Variants in ADGRL3 observed in about 807,000 individuals in gnomAD.
The protein encoded by ADGRL3 is calcium-independent alpha-latrotoxin receptor 3.
ADGRL3 carries 62 observed loss-of-function variants against 153.5 expected under a neutral mutation model. The observed-to-expected ratio is 0.40, with a 90% confidence interval of 0.33 to 0.50. The LOEUF (loss-of-function observed/expected upper bound fraction) is 0.50, where lower values mean the gene tolerates loss of function less well. Ranked by LOEUF, ADGRL3 falls within the 20% of genes least tolerant of loss-of-function variation. ADGRL3 has a pLI of 0.47. For synonymous variants in ADGRL3, 710 were observed against 672.5 expected (o/e 1.06, Z -0.86); for missense variants, 1,641 against 1,859.4 (o/e 0.88, Z 2.16).
intron 2 of ADGRL3, among the ~76,000 whole-genome samples, chr4:61,390,367 A>G (rs947815548): frequency 2.6e-5 from 4 of 152,150 alleles, no homozygotes; most frequent in African/African-American, 9.7e-5. Context: ...AAATATTATG[A>G]TGGTCCAAAA....
At chr4:61,960,576 A>G (rs919260752) in intron 17 of ADGRL3, among the ~76,000 whole-genome samples, 1 of 152,196 alleles carries the variant, frequency 6.6e-6, no homozygotes, top group Non-Finnish European at 1.5e-5. Context: ...TAAATACATA[A>G]CATATTTAAT....
At chr4:61,842,113 C>G (rs2098041872) in intron 9 of ADGRL3, among the ~76,000 whole-genome samples, 1 of 151,968 alleles carries the variant, frequency 6.6e-6, no homozygotes, top group Non-Finnish European at 1.5e-5. Flanking sequence ...TAAAAAGGCA[C>G]TAGTGAATAA....
intron 8 of ADGRL3, among the ~76,000 whole-genome samples, chr4:61,769,491 G>T (rs899956046): frequency 8.8e-5 from 3 of 34,214 alleles, no homozygotes; most frequent in African/African-American, 4.0e-4. Flanking sequence ...CAGGAGGACA[G>T]GGGATTGATC....
chr4:61,219,342 A>T (rs1006245792), intron 1 of ADGRL3, among the ~76,000 whole-genome samples: 4 of 152,208 alleles, frequency 2.6e-5, no homozygotes, highest in Non-Finnish European at 5.9e-5. Context: ...TTTACCTGAA[A>T]GTTAAAAGCC....
intron 8 of ADGRL3, among the ~76,000 whole-genome samples, chr4:61,799,952 G>C (rs1279878726): frequency 6.6e-6 from 1 of 152,176 alleles, no homozygotes; most frequent in Non-Finnish European, 1.5e-5. Flanking sequence ...GAAGCTGAGA[G>C]ATCAATATAT....
In ADGRL3 at chr4:61,742,575, C is replaced by T. The variant is rs564393980; in HGVS notation, c.1399+9021C>T. On this transcript the variant is annotated intron_variant, in intron 8 of 26. Transcript: ENST00000683033. Reference sequence around the variant, plus strand: ...GATTACAGGCGTGAGACACCGCACCCGGCCTGTTTTTAGCATTTTTAAGTA... The same window carrying T: ...GATTACAGGCGTGAGACACCGCACCTGGCCTGTTTTTAGCATTTTTAAGTA... Among the ~76,000 whole-genome samples, 140 of 152,202 alleles carry T rather than the reference C, an allele frequency of 9.2e-4. 1 individual carries two copies. Among genetic ancestry groups the T allele is most frequent in the Non-Finnish European group, 1.7e-3 (117 of 68,018 alleles).
chr4:61,624,267 A>G (rs2092702073), intron 5 of ADGRL3, among the ~76,000 whole-genome samples: 1 of 152,184 alleles, frequency 6.6e-6, no homozygotes. Context: ...GCCAGAGTAG[A>G]TATTCAAACT....
intron 1 of ADGRL3, among the ~76,000 whole-genome samples, chr4:61,317,111 A>C (rs2150668138): frequency 6.6e-6 from 1 of 152,330 alleles, no homozygotes; most frequent in Middle Eastern, 3.4e-3. Flanking sequence ...TTATGGAAAT[A>C]AAAGCACTGT....
At chr4:61,587,913 A>G (rs77483810) in intron 5 of ADGRL3, among the ~76,000 whole-genome samples, 3,426 of 152,128 alleles carry the variant, frequency 0.023, 143 homozygotes, top group East Asian at 0.21. Flanking sequence ...TTGGCCTTGG[A>G]AAATAATTTT....
chr4:61,260,478 G>T (rs114469732), intron 1 of ADGRL3, among the ~76,000 whole-genome samples: 2,887 of 152,092 alleles, frequency 0.019, 42 homozygotes, highest in Middle Eastern at 0.031. Context: ...TAGACAATGC[G>T]GTATTGTATG....
chr4:61,709,986 A>ATAT lies in ADGRL3; in HGVS notation c.584-20626_584-20624dup, dbSNP rs1387437866. Among the ~76,000 whole-genome samples, 5 of 152,146 alleles carry ATAT rather than the reference A, an allele frequency of 3.3e-5. No homozygotes were observed. In the East Asian group the frequency reaches 5.8e-4, roughly 18 times the overall value. On this transcript the variant is annotated intron_variant, in intron 6 of 26. Coordinates refer to ENST00000683033, the MANE Select transcript of ADGRL3 (RefSeq NM_001387552.1). ...CTTAGAAAAGTATTCAAGGAAGCATATATTATTATTATAGTCATGCTGATT... is the reference window on the plus strand; with the variant it reads ...CTTAGAAAAGTATTCAAGGAAGCATATATTATTATTATTATAGTCATGCTGATT...
chr4:61,808,425 A>T (rs1247125394), intron 8 of ADGRL3, among the ~76,000 whole-genome samples: 1 of 152,182 alleles, frequency 6.6e-6, no homozygotes, highest in Non-Finnish European at 1.5e-5. Context: ...CGGATAAGTC[A>T]AGCATATAGT....
At chr4:61,296,282 G>A (rs1023386067) in intron 1 of ADGRL3, among the ~76,000 whole-genome samples, 1 of 151,914 alleles carries the variant, frequency 6.6e-6, no homozygotes, top group Non-Finnish European at 1.5e-5. Context: ...GAACTTGACA[G>A]GTTGAGAGTC....
intron 6 of ADGRL3, among the ~76,000 whole-genome samples, chr4:61,707,240 A>G (rs1330244207): frequency 6.6e-6 from 1 of 152,218 alleles, no homozygotes; most frequent in African/African-American, 2.4e-5. Flanking sequence ...AACAGATATG[A>G]TAATAATGAA....
chr4:61,889,999 G>T (rs1341711640), intron 9 of ADGRL3, among the ~76,000 whole-genome samples: 2 of 152,116 alleles, frequency 1.3e-5, no homozygotes, highest in Non-Finnish European at 2.9e-5. Context: ...GAAGACAATT[G>T]AAAAACAGAG....
intron 5 of ADGRL3, among the ~76,000 whole-genome samples, chr4:61,636,199 A>AT (rs2093416486): frequency 6.6e-6 from 1 of 152,090 alleles, no homozygotes. Flanking sequence ...CTCAGTCCTT[A>AT]TTTTTTATAC....
intron 4 of ADGRL3, among the ~76,000 whole-genome samples, chr4:61,579,071 G>A (rs2098910373): frequency 6.6e-6 from 1 of 151,912 alleles, no homozygotes; most frequent in East Asian, 1.9e-4. Context: ...TTGATTTCAT[G>A]TGTTAACTCT....
intron 1 of ADGRL3, among the ~76,000 whole-genome samples, chr4:61,210,493 C>T (rs1475281420): frequency 6.6e-6 from 1 of 152,022 alleles, no homozygotes; most frequent in African/African-American, 2.4e-5. Flanking sequence ...TTGACGCTGA[C>T]CCTGTAAGAG....
chr4:61,694,376 A>G (rs1392262720), intron 6 of ADGRL3, among the ~76,000 whole-genome samples: 1 of 151,844 alleles, frequency 6.6e-6, no homozygotes, highest in African/African-American at 2.4e-5. Context: ...GTTCAGTTCC[A>G]GAATGCTAGA....
Sources: gnomAD v4.1 joint callset for allele counts (sites outside exome capture counted in the v4.1 genomes callset) on GRCh38, gnomAD v4.1.1 for gene constraint, MANE v1.5 for transcripts, NCBI Gene and HGNC (gene_info 2026-07-23, HGNC 2026-07-21) for gene names.